The following WDR45B variants were observed in gnomAD, a reference collection of about 807,000 sequenced individuals.
WDR45B encodes the protein WD repeat domain phosphoinositide-interacting protein 3.
A neutral mutation model predicts 44.6 loss-of-function variants in WDR45B; 20 were observed. The observed-to-expected ratio is 0.45, with a 90% CI of 0.32 to 0.65. WDR45B has a LOEUF of 0.65. WDR45B is among the 30% of genes least tolerant of loss of function. The pLI is 0.05. For synonymous variants in WDR45B, 169 were observed against 164.9 expected, an observed-to-expected ratio of 1.02 and a Z score of -0.19; for missense variants, 323 against 430.2, an observed-to-expected ratio of 0.75 and a Z score of 2.20.
At position 82,626,533 on chromosome 17, in the gene WDR45B, C is replaced by CAAAAAAAAAAAAAA. The variant is rs562186058; in HGVS notation, c.332+657_332+670dup. ...GGCAACAGAGCAAGACTCTATCTCC[C>CAAAAAAAAAAAAAA]AAAAAAAAAAAAAAAAAAAAAAAAA... On this transcript the variant is annotated intron_variant, in intron 4 of 9. Transcript: ENST00000392325. Among the ~76,000 whole-genome samples, 38 of 79,446 alleles carry CAAAAAAAAAAAAAA rather than the reference C, an allele frequency of 4.8e-4. 3 individuals carry two copies. The highest frequency in any genetic ancestry group is 2.5e-3 in the African/African-American group (34 of 13,668). The allele number at this position is 79,446 out of a possible 152,430, so 52.1% of individuals were successfully genotyped here. A position where few individuals can be genotyped will look rare whatever the true frequency, so the allele number is the denominator to read the frequency against.
intron 5 of WDR45B, among the ~76,000 whole-genome samples, chr17:82,623,031 A>G (rs1436665394): frequency 1.3e-5 from 2 of 152,272 alleles, no homozygotes; most frequent in Non-Finnish European, 2.9e-5. Flanking sequence ...AGAAGAAAAC[A>G]TAAAAGAAAT....
Position 82,619,053 on chromosome 17 carries a change from T to C in WDR45B, c.694A>G (p.Asn232Asp). 6.2e-7 allele frequency: 1 copy of C among 1,614,158 alleles called. No homozygotes were observed. The highest frequency in any genetic ancestry group is 1.1e-5 in the South Asian group (1 of 91,084). Residue 232 changes from asparagine (N) to aspartate (D), a missense_variant, in exon 7 of 10, where the codon AAT becomes GAT. Asn to Asp is a conservative substitution (Grantham distance 23). Coordinates refer to ENST00000392325, the MANE Select transcript of WDR45B (RefSeq NM_019613.4). ...TGGAGGTGCCCTTACCAGTAAATATTGGCTGCTTGAGATCCTCTTCGCAGT... is the reference window on the plus strand; with the variant it reads ...TGGAGGTGCCCTTACCAGTAAATATCGGCTGCTTGAGATCCTCTTCGCAGT... ...QELRRGSQAA[N>D]IYCINFNQDA...
At chr17:82,623,278 T>C (rs1183447985) in intron 5 of WDR45B, among the ~76,000 whole-genome samples, 3 of 150,894 alleles carry the variant, frequency 2.0e-5, no homozygotes, top group African/African-American at 4.9e-5. Flanking sequence ...TCCCAGCTAC[T>C]TGGGGGACTG....
intron 2 of WDR45B, among the ~76,000 whole-genome samples, chr17:82,631,920 T>C (rs1045333924): frequency 6.6e-6 from 1 of 151,648 alleles, no homozygotes; most frequent in Non-Finnish European, 1.5e-5. Flanking sequence ...CTGTCTTTAC[T>C]ACAAATACAA....
At chr17:82,619,245 ACAT>A in intron 6 of WDR45B, 117 bp from the exon 7 acceptor site, 2 of 924,990 alleles carry the variant, frequency 2.2e-6, no homozygotes, top group Non-Finnish European at 3.4e-6. Context: ...AAACTCACCC[ACAT>A]CATCTACTAC....
At position 82,644,013 on chromosome 17, in the gene WDR45B, C is replaced by A. The variant is rs201972875; in HGVS notation, c.78G>T (p.Ala26=). The change falls in exon 2 of 10, where the codon GCG becomes GCT. Residue 26 remains alanine, a synonymous_variant. Transcript: ENST00000392325. The part of the protein sequence containing the change: ...AGFNQDHGCF[A]CGMENGFRVY... ...CTCGGAATCCATTTTCCATCCCACA[C>A]GCAAAGCATCCTAAAGCAGAAGTGT... 3 of 1,613,964 alleles carry A rather than the reference C, an allele frequency of 1.9e-6. No homozygotes were observed. The highest frequency in any genetic ancestry group is 1.3e-5 in the African/African-American group (1 of 74,908).
In WDR45B at chr17:82,615,538, C is replaced by T. The variant is rs1181040459; in HGVS notation, c.*381G>A. 2 of 309,618 alleles carry T rather than the reference C, an allele frequency of 6.5e-6. No individual in the cohort carries two copies. Among genetic ancestry groups the T allele is most frequent in the South Asian group, 3.3e-5 (1 of 30,326 alleles). The allele number at this position is 309,618 out of a possible 1,614,324, so 19.2% of individuals were successfully genotyped here. A position where few individuals can be genotyped will look rare whatever the true frequency, so the allele number is the denominator to read the frequency against. On this transcript the variant is annotated 3_prime_UTR_variant, in exon 10 of 10. Coordinates refer to ENST00000392325, the MANE Select transcript of WDR45B (RefSeq NM_019613.4). ...TCCCCCGCTGCAGACTCAGTAAGAA[C>T]GACGGAATCTGCTGCAAAAACAAAC... is the stretch of plus-strand genomic sequence containing the variant.
At chr17:82,647,062 C>A (rs2045987276) in intron 1 of WDR45B, among the ~76,000 whole-genome samples, 1 of 152,110 alleles carries the variant, frequency 6.6e-6, no homozygotes, top group South Asian at 2.1e-4. Context: ...AACCCCGTCT[C>A]TACTAAAAAT....
At chr17:82,631,126 T>C (rs2045761243) in intron 2 of WDR45B, 104 bp from the exon 3 acceptor site, 9 of 1,165,954 alleles carry the variant, frequency 7.7e-6, no homozygotes, top group Admixed American at 3.9e-5. Flanking sequence ...CAATTTTCTA[T>C]TTTTTGTAAG....
chr17:82,648,063 G>C (rs927186471), intron 1 of WDR45B, among the ~76,000 whole-genome samples: 1 of 148,982 alleles, frequency 6.7e-6, no homozygotes, highest in African/African-American at 2.5e-5. Flanking sequence ...AGGAAGGTGG[G>C]AGCCGGTTCG....
intron 4 of WDR45B, chr17:82,625,924 G>A (rs537379889): frequency 2.0e-4 from 47 of 240,444 alleles, no homozygotes; most frequent in Non-Finnish European, 3.4e-4. Flanking sequence ...TCACTCTGTC[G>A]CTCAGGCTGG....
chr17:82,617,517 T>C (rs2045553063), intron 7 of WDR45B, 120 bp from the exon 8 acceptor site: 3 of 930,990 alleles, frequency 3.2e-6, no homozygotes. Context: ...GAGGTGCCAA[T>C]TCTGAATACT....
rs1194959577 is a variant in WDR45B at position 82,615,658 on chromosome 17, G to C, written c.*261C>G. On this transcript the variant is annotated 3_prime_UTR_variant, in exon 10 of 10. Transcript: ENST00000392325. ...CGGAGCCACTGAAGCTAACGTCACA[G>C]CTGAACTCATGGGAACAGCCAGTGG... The C allele has an allele frequency of 5.7e-6, 3 of 523,150 alleles. No individual in the cohort carries two copies. Among genetic ancestry groups the C allele is most frequent in the South Asian group, 2.0e-5 (1 of 49,656 alleles). 32.4% of individuals were successfully genotyped at this position (523,150 alleles called of 1,614,324 possible).
chr17:82,616,329 G>A (rs1352375399), intron 9 of WDR45B, among the ~76,000 whole-genome samples, 195 bp downstream of exon 9: 1 of 152,220 alleles, frequency 6.6e-6, no homozygotes, highest in African/African-American at 2.4e-5. Flanking sequence ...GAGGGATGGG[G>A]GCTGAAGACA....
chr17:82,647,486 C>T (rs2045993996), intron 1 of WDR45B, among the ~76,000 whole-genome samples: 1 of 152,230 alleles, frequency 6.6e-6, no homozygotes, highest in Admixed American at 6.5e-5. Flanking sequence ...GCCGCATCCC[C>T]CGCAGCTCCG....
chr17:82,621,666 G>A lies in WDR45B; in HGVS notation c.561C>T (p.Val187=). The A allele has an allele frequency of 4.3e-6, 7 of 1,614,180 alleles. No homozygotes were observed. The highest frequency in any genetic ancestry group is 5.9e-6 in the Non-Finnish European group (7 of 1,180,036). The change falls in exon 6 of 10, where the codon GTC becomes GTT. Residue 187 remains valine (V), a synonymous_variant. Transcript: ENST00000392325. The part of the protein sequence containing the change: ...PPVDIPAHEG[V]LSCIALNLQG... ...GCAGGTTGAGTGCAATGCAGCTCAG[G>A]ACACCCTCGTGTGCAGGAATGTCCA...
At chr17:82,646,235 A>G (rs1248221183) in intron 1 of WDR45B, among the ~76,000 whole-genome samples, 1 of 152,034 alleles carries the variant, frequency 6.6e-6, no homozygotes, top group African/African-American at 2.4e-5. Context: ...TCACGCCTGT[A>G]ACCCCAGCAC....
chr17:82,648,226 C>G, intron 1 of WDR45B, 48 bp downstream of exon 1: 1 of 1,576,162 alleles, frequency 6.3e-7, no homozygotes, highest in African/African-American at 1.4e-5. Context: ...GGACCCCGGG[C>G]TGCGGGAAGG....
At chr17:82,647,187 CCAGGCTGGGCGA>C (rs75974374) in intron 1 of WDR45B, among the ~76,000 whole-genome samples, 17,249 of 152,166 alleles carry the variant, frequency 0.11, 1,051 homozygotes, top group Middle Eastern at 0.22. Flanking sequence ...CGAGATCGCA[CCAGGCTGGGCGA>C]CAGAATGAGA....
Sources: allele counts gnomAD v4.1 joint callset (sites outside exome capture counted in the v4.1 genomes callset), GRCh38; gene constraint gnomAD v4.1.1; transcripts MANE v1.5; gene names NCBI Gene and HGNC (gene_info 2026-07-23, HGNC 2026-07-21).